Variants in NAV2 observed in about 807,000 individuals in gnomAD.
NAV2 encodes neuron navigator 2.
Under a neutral mutation model 223.2 loss-of-function variants are expected in NAV2, and 54 were observed. The ratio of observed to expected loss-of-function variants is 0.24; its 90% CI spans 0.19 to 0.30. The LOEUF is 0.30. Ranked by LOEUF, NAV2 falls within the 10% of genes least tolerant of loss-of-function variation. The pLI, the probability that NAV2 is intolerant of heterozygous loss-of-function variation, is 1.00. For missense variants in NAV2, 2,806 were observed against 3,147.5 expected, an observed-to-expected ratio of 0.89 and a Z score of 2.60; for synonymous variants, 1,279 against 1,239.3, an observed-to-expected ratio of 1.03 and a Z score of -0.67.
chr11:19,459,291 T>A lies in NAV2; in HGVS notation c.75+108264T>A, dbSNP rs116063449. ...ACCTTGTCTTTTTGCATCTTTCCTC[T>A]CTGTGAGCTATGTTCTTAGATACTG... On this transcript the variant is annotated intron_variant, in intron 1 of 37. Transcript: ENST00000360655. Among the ~76,000 whole-genome samples the A allele has an allele frequency of 8.6e-3, 1,315 of 152,326 alleles. 22 individuals carry two copies. The highest frequency in any genetic ancestry group is 0.03 in the African/African-American group (1,250 of 41,576).
At chr11:19,971,201 G>A (rs1202336526) in intron 10 of NAV2, among the ~76,000 whole-genome samples, 1 of 152,100 alleles carries the variant, frequency 6.6e-6, no homozygotes, top group Non-Finnish European at 1.5e-5. Flanking sequence ...ACACACTTTT[G>A]CCAACCTTAG....
At chr11:19,965,897 G>A (rs2048733197) in intron 10 of NAV2, among the ~76,000 whole-genome samples, 1 of 152,212 alleles carries the variant, frequency 6.6e-6, no homozygotes, top group African/African-American at 2.4e-5. Flanking sequence ...CTTGATAGCT[G>A]AAGGCTAGAG....
intron 1 of NAV2, among the ~76,000 whole-genome samples, chr11:19,571,713 G>GA (rs61011061): frequency 0.043 from 5,530 of 128,492 alleles, 218 homozygotes; most frequent in East Asian, 0.2. Context: ...TCTCAAAAAA[G>GA]AAAAAAAAAA....
At chr11:20,010,016 C>A (rs1455358350) in intron 11 of NAV2, among the ~76,000 whole-genome samples, 2 of 151,974 alleles carry the variant, frequency 1.3e-5, no homozygotes, top group African/African-American at 4.8e-5. Context: ...CTCTAAGCAT[C>A]TTGAGGGCAA....
chr11:19,881,630 C>A (rs2063211080), intron 5 of NAV2, among the ~76,000 whole-genome samples: 2 of 152,148 alleles, frequency 1.3e-5, no homozygotes, highest in African/African-American at 4.8e-5. Context: ...ATTAAGCCTC[C>A]CACATGCCAG....
chr11:19,650,828 T>C (rs978617064), intron 1 of NAV2, among the ~76,000 whole-genome samples: 2 of 152,172 alleles, frequency 1.3e-5, no homozygotes, highest in African/African-American at 4.8e-5. Context: ...AAAAAGACTA[T>C]ATACAGAATA....
At chr11:19,438,500 CA>C (rs1433347976) in intron 1 of NAV2, among the ~76,000 whole-genome samples, 3 of 152,146 alleles carry the variant, frequency 2.0e-5, no homozygotes, top group Non-Finnish European at 2.9e-5. Context: ...CTTCTAACAC[CA>C]AATGTGAGGG....
At position 20,090,926 on chromosome 11, in the gene NAV2, G is replaced by A; in HGVS notation, c.5560G>A (p.Asp1854Asn). ...CATGCAGCTCCGAAATGAGTTAAGA[G>A]ACAAGGAGATGAAGCTGACGGATAT... is the stretch of plus-strand genomic sequence containing the variant. ...TVMQLRNELR[D>N]KEMKLTDIRL... The change falls in exon 27 of 38, where the codon GAC becomes AAC. Residue 1854 changes from aspartate to asparagine, a missense_variant. This residue lies in a region of NAV2 where 824 missense variants were observed against 1,069.4 expected (regional missense o/e 0.77). Transcript: ENST00000349880. The A allele has an allele frequency of 1.2e-6, 2 of 1,614,000 alleles. No homozygotes were observed. The highest frequency in any genetic ancestry group is 1.7e-6 in the Non-Finnish European group (2 of 1,179,902).
chr11:19,398,292 G>C (rs1249104185), intron 1 of NAV2, among the ~76,000 whole-genome samples: 1 of 152,126 alleles, frequency 6.6e-6, no homozygotes, highest in Non-Finnish European at 1.5e-5. Context: ...AGATGTTGGA[G>C]AACGTACTCA....
At chr11:19,687,796 TG>T (rs2049065623) in intron 1 of NAV2, among the ~76,000 whole-genome samples, 1 of 152,094 alleles carries the variant, frequency 6.6e-6, no homozygotes, top group Non-Finnish European at 1.5e-5. Flanking sequence ...TGTGTGTGTG[TG>T]TGTGTGAACT....
intron 1 of NAV2, among the ~76,000 whole-genome samples, chr11:19,702,343 C>G (rs1301831677): frequency 6.6e-6 from 1 of 152,194 alleles, no homozygotes. Flanking sequence ...TTTTTGGTTG[C>G]TAACATAGGT....
intron 1 of NAV2, among the ~76,000 whole-genome samples, chr11:19,366,612 A>C (rs58588763): frequency 0.11 from 15,988 of 152,168 alleles, 890 homozygotes; most frequent in African/African-American, 0.15. Context: ...GTCTGGAATT[A>C]AACAGACCCC....
intron 1 of NAV2, among the ~76,000 whole-genome samples, chr11:19,818,864 G>T (rs936340414): frequency 1.3e-5 from 2 of 152,218 alleles, no homozygotes; most frequent in African/African-American, 4.8e-5. Flanking sequence ...AATCTAGGCA[G>T]TGAAGGGGAA....
At chr11:19,776,577 G>GGTGTGTGTGT (rs71050684) in intron 1 of NAV2, among the ~76,000 whole-genome samples, 3,125 of 116,144 alleles carry the variant, frequency 0.027, 187 homozygotes, top group African/African-American at 0.09. Flanking sequence ...CTGGGGCAGG[G>GGTGTGTGTGT]GTGTGTGTGT....
At chr11:19,592,189 G>A (rs909450075) in intron 1 of NAV2, among the ~76,000 whole-genome samples, 1 of 151,948 alleles carries the variant, frequency 6.6e-6, no homozygotes, top group African/African-American at 2.4e-5. Context: ...ACTATCCTCT[G>A]CTTGTCCTTC....
chr11:19,985,626 G>C (rs1190641669), intron 11 of NAV2, among the ~76,000 whole-genome samples: 1 of 151,988 alleles, frequency 6.6e-6, no homozygotes, highest in African/African-American at 2.4e-5. Flanking sequence ...ACCCAGGCTG[G>C]AGTGCAGTGG....
intron 1 of NAV2, among the ~76,000 whole-genome samples, chr11:19,507,486 G>A (rs2134200784): frequency 6.6e-6 from 1 of 152,334 alleles, no homozygotes; most frequent in South Asian, 2.1e-4. Flanking sequence ...GTATAGAAAT[G>A]TGGAGGGTAG....
intron 1 of NAV2, among the ~76,000 whole-genome samples, chr11:19,522,288 G>A (rs1408927740): frequency 8.5e-5 from 13 of 152,250 alleles, no homozygotes; most frequent in African/African-American, 1.9e-4. Context: ...TCCCTCCATC[G>A]TCTCCAAGCC....
chr11:19,619,329 C>T (rs930913421), intron 1 of NAV2, among the ~76,000 whole-genome samples: 4 of 152,112 alleles, frequency 2.6e-5, no homozygotes, highest in African/African-American at 7.2e-5. Flanking sequence ...CTTGAGGAAT[C>T]ACCACACTGA....
Sources: gnomAD v4.1 joint callset for allele counts (sites outside exome capture counted in the v4.1 genomes callset) on GRCh38, gnomAD v4.1.1 for gene constraint, gnomAD v4.1.1 regional missense constraint, MANE v1.5 for transcripts, NCBI Gene and HGNC (gene_info 2026-07-23, HGNC 2026-07-21) for gene names.